Variants in SCRG1 observed in about 807,000 individuals in gnomAD.
SCRG1 encodes the protein stimulator of chondrogenesis 1, also known as scrapie-responsive protein 1.
SCRG1 carries 3 observed loss-of-function variants against 7.7 expected under a neutral mutation model. The observed-to-expected ratio is 0.39, with a 90% CI of 0.18 to 1.01. The LOEUF (loss-of-function observed/expected upper bound fraction) is 1.01. SCRG1 is among the 50% of genes least tolerant of loss of function. SCRG1 has a pLI of 0.36. For missense variants in SCRG1, 110 were observed against 117.2 expected, an observed-to-expected ratio of 0.94 and a Z score of 0.28; for synonymous variants, 46 against 41.2, an observed-to-expected ratio of 1.12 and a Z score of -0.44.
At chr4:173,413,335 AG>A in the SCRG1 span, among the ~76,000 whole-genome samples, 2 of 152,180 alleles carry the variant, frequency 1.3e-5, no homozygotes, top group Non-Finnish European at 2.9e-5. Flanking sequence ...CTCTTCCTCT[AG>A]GAAGGTGAGA....
At chr4:173,498,018 T>C in the SCRG1 span, among the ~76,000 whole-genome samples, 2 of 152,184 alleles carry the variant, frequency 1.3e-5, no homozygotes, top group Non-Finnish European at 2.9e-5. Flanking sequence ...TACTAGCTTC[T>C]TCGCCTTCTC....
Position 173,391,243 on chromosome 4 carries a change from G to T in SCRG1, c.172C>A (p.His58Asn). The change falls in exon 2 of 3, where the codon CAT becomes AAT. Residue 58 changes from histidine to asparagine, a missense_variant. Coordinates refer to ENST00000296506, the MANE Select transcript of SCRG1 (RefSeq NM_007281.4). ...TCACATCCCTTCCCATCCCAGAAATGATCCTGGACATTGACATCAATCTGT... is the reference window on the plus strand; with the variant it reads ...TCACATCCCTTCCCATCCCAGAAATTATCCTGGACATTGACATCAATCTGT... ...LTQIDVNVQDHFWDGKGCEMI... is the reference protein window; with the variant it reads ...LTQIDVNVQDNFWDGKGCEMI... 6.2e-7 allele frequency: 1 copy of T among 1,614,134 alleles called. No individual in the cohort carries two copies. The highest frequency in any genetic ancestry group is 8.5e-7 in the Non-Finnish European group (1 of 1,179,984).
chr4:173,511,421 GT>G, the SCRG1 span, among the ~76,000 whole-genome samples: 1 of 152,042 alleles, frequency 6.6e-6, no homozygotes, highest in South Asian at 2.1e-4. The surrounding 1 kb of genome is among the most constrained non-coding windows in gnomAD (Gnocchi z 5.2). Context: ...CCTCTATACC[GT>G]TTTTTGTTTG....
upstream of SCRG1, among the ~76,000 whole-genome samples, chr4:173,410,333 C>T (rs1215820608): frequency 1.3e-5 from 2 of 152,220 alleles, no homozygotes; most frequent in African/African-American, 4.8e-5. Flanking sequence ...TTGTCTTGGG[C>T]GTCCATATGC....
chr4:173,455,953 G>A, the SCRG1 span, among the ~76,000 whole-genome samples: 1 of 152,118 alleles, frequency 6.6e-6, no homozygotes, highest in Non-Finnish European at 1.5e-5. Flanking sequence ...TTCCCCAGGA[G>A]CATGGTAGGC....
At chr4:173,484,329 T>A in the SCRG1 span, among the ~76,000 whole-genome samples, 2 of 52,408 alleles carry the variant, frequency 3.8e-5, no homozygotes, top group African/African-American at 1.4e-4. Context: ...TTATACATAA[T>A]ATATTTAACA....
chr4:173,389,327 T>A (rs557332298), intron 2 of SCRG1, among the ~76,000 whole-genome samples: 1 of 151,984 alleles, frequency 6.6e-6, no homozygotes. Context: ...GAGGTCAGGA[T>A]ATCGAGACCA....
At chr4:173,476,073 A>G in the SCRG1 span, among the ~76,000 whole-genome samples, 4 of 152,156 alleles carry the variant, frequency 2.6e-5, no homozygotes, top group African/African-American at 9.6e-5. Context: ...AAAATGGTTA[A>G]AATGGTAAAT....
At chr4:173,425,960 C>T in the SCRG1 span, among the ~76,000 whole-genome samples, 2 of 152,230 alleles carry the variant, frequency 1.3e-5, no homozygotes, top group African/African-American at 4.8e-5. Flanking sequence ...CTCCCACTGC[C>T]ACTTCTGTGC....
chr4:173,463,280 A>C, the SCRG1 span, among the ~76,000 whole-genome samples: 1 of 151,892 alleles, frequency 6.6e-6, no homozygotes, highest in Non-Finnish European at 1.5e-5. Flanking sequence ...TTATTTATTT[A>C]TTTATTTTTT....
At chr4:173,437,905 A>G in the SCRG1 span, among the ~76,000 whole-genome samples, 1 of 152,218 alleles carries the variant, frequency 6.6e-6, no homozygotes, top group Non-Finnish European at 1.5e-5. Context: ...GGTTTCAAAT[A>G]TCACACTGAA....
At chr4:173,455,872 A>T in the SCRG1 span, among the ~76,000 whole-genome samples, 1 of 152,184 alleles carries the variant, frequency 6.6e-6, no homozygotes, top group Admixed American at 6.5e-5. Flanking sequence ...AAGGAATAGG[A>T]TGCATGTGGA....
At chr4:173,401,349 G>A (rs1739757183), upstream of SCRG1, among the ~76,000 whole-genome samples, 5 of 152,220 alleles carry the variant, frequency 3.3e-5, no homozygotes, top group Non-Finnish European at 5.9e-5. Flanking sequence ...ATATAAATAT[G>A]TGAATATGAG....
At chr4:173,485,115 A>T in the SCRG1 span, among the ~76,000 whole-genome samples, 17 of 17,898 alleles carry the variant, frequency 9.5e-4, 1 homozygote, top group Non-Finnish European at 2.1e-3. Flanking sequence ...TATATTATAT[A>T]ATATATAATA....
At chr4:173,501,214 C>T in the SCRG1 span, among the ~76,000 whole-genome samples, 1 of 152,206 alleles carries the variant, frequency 6.6e-6, no homozygotes, top group South Asian at 2.1e-4. This position sits in a 1 kb window ranked among gnomAD's most constrained non-coding sequence, Gnocchi z 5.1. Flanking sequence ...CCGAGCTCCG[C>T]GCTTACCGAT....
the SCRG1 span, among the ~76,000 whole-genome samples, chr4:173,453,189 T>C: frequency 7.9e-5 from 12 of 152,242 alleles, no homozygotes; most frequent in Admixed American, 6.5e-4. Context: ...CATGTCTTAA[T>C]GGGCAGCAGG....
the SCRG1 span, among the ~76,000 whole-genome samples, chr4:173,417,772 T>C: frequency 2.6e-5 from 4 of 152,160 alleles, no homozygotes; most frequent in African/African-American, 9.7e-5. Flanking sequence ...TAGCTGGCAC[T>C]ACAGGTGTGA....
the SCRG1 span, among the ~76,000 whole-genome samples, chr4:173,515,546 C>G: frequency 7.9e-5 from 12 of 151,922 alleles, no homozygotes; most frequent in Admixed American, 5.3e-4. The surrounding 1 kb of genome is among the most constrained non-coding windows in gnomAD (Gnocchi z 4.6). Flanking sequence ...GTCATAAATG[C>G]ACCAACAGAT....
At chr4:173,515,422 TA>T in the SCRG1 span, among the ~76,000 whole-genome samples, 24 of 149,566 alleles carry the variant, frequency 1.6e-4, no homozygotes, top group African/African-American at 3.7e-4. This position sits in a 1 kb window ranked among gnomAD's most constrained non-coding sequence, Gnocchi z 4.6. Flanking sequence ...GTGTTTGTGC[TA>T]AAAAAAAAAA....
Sources: allele counts gnomAD v4.1 joint callset (sites outside exome capture counted in the v4.1 genomes callset), GRCh38; gene constraint gnomAD v4.1.1; non-coding constraint Gnocchi (gnomAD v3.1); transcripts MANE v1.5; gene names NCBI Gene and HGNC (gene_info 2026-07-23, HGNC 2026-07-21).